The following NEGR1 variants were observed in gnomAD, a reference collection of about 807,000 sequenced individuals.
NEGR1 encodes IgLON family member 4.
Under a neutral mutation model 40.9 loss-of-function variants are expected in NEGR1, and 10 were observed. The observed-to-expected ratio is 0.24, with a 90% CI of 0.15 to 0.42. NEGR1 has a LOEUF of 0.42. Among genes scored for constraint, NEGR1 ranks in the 10% least tolerant of loss-of-function variants. The probability of loss-of-function intolerance (pLI) is 1.00; values close to 1 mark genes in which losing one functional copy is unlikely to be tolerated. For synonymous variants in NEGR1, 185 were observed against 166.8 expected, an observed-to-expected ratio of 1.11 and a Z score of -0.84; for missense variants, 352 against 438.9, an observed-to-expected ratio of 0.80 and a Z score of 1.77.
chr1:72,238,176 T>TA (rs1654621252), intron 1 of NEGR1, among the ~76,000 whole-genome samples: 1 of 151,848 alleles, frequency 6.6e-6, no homozygotes, highest in Admixed American at 6.6e-5. Flanking sequence ...GGGATTTTCT[T>TA]GTATCTTCCT....
chr1:71,776,648 C>T (rs1656522324), intron 2 of NEGR1, among the ~76,000 whole-genome samples: 2 of 151,818 alleles, frequency 1.3e-5, no homozygotes, highest in Non-Finnish European at 2.9e-5. Context: ...TGATGTTTTC[C>T]TTGTTGAAAT....
chr1:71,884,767 T>C (rs1300894821), intron 2 of NEGR1, among the ~76,000 whole-genome samples: 5 of 152,200 alleles, frequency 3.3e-5, no homozygotes, highest in African/African-American at 1.2e-4. Flanking sequence ...AAAAAACCTA[T>C]CAACAGGCAA....
chr1:72,019,158 G>A (rs147304207), intron 1 of NEGR1, among the ~76,000 whole-genome samples: 19 of 152,186 alleles, frequency 1.2e-4, no homozygotes, highest in Admixed American at 4.6e-4. Context: ...AGTGAATGGC[G>A]GCCCTGTGCT....
Position 71,584,860 on chromosome 1 carries a change from A to T in NEGR1, c.940+7957T>A, listed in dbSNP as rs79998153. 5.6e-4 allele frequency among the ~76,000 whole-genome samples: 85 copies of T among 152,280 alleles called. 2 individuals carry two copies. The East Asian group carries it at 0.016, about 28-fold the overall frequency. ...TTTTTACAAAGTCCTAATAGTCACAACGCCATATACTCAAGTCACATTTTG... is the reference window on the plus strand; with the variant it reads ...TTTTTACAAAGTCCTAATAGTCACATCGCCATATACTCAAGTCACATTTTG... On this transcript the variant is annotated intron_variant, in intron 6 of 6. Coordinates refer to ENST00000357731, the MANE Select transcript of NEGR1 (RefSeq NM_173808.3).
chr1:72,106,400 C>G (rs1649135214), intron 1 of NEGR1, among the ~76,000 whole-genome samples: 1 of 151,950 alleles, frequency 6.6e-6, no homozygotes, highest in African/African-American at 2.4e-5. Context: ...TCCACTTCCC[C>G]AAAGTTCTTT....
At chr1:72,190,150 T>G (rs1387290120) in intron 1 of NEGR1, among the ~76,000 whole-genome samples, 2 of 151,548 alleles carry the variant, frequency 1.3e-5, no homozygotes, top group African/African-American at 4.8e-5. Flanking sequence ...TATATAGCTA[T>G]ATTAATCACA....
intron 3 of NEGR1, among the ~76,000 whole-genome samples, chr1:71,752,212 C>G (rs1655592836): frequency 6.6e-6 from 1 of 152,074 alleles, no homozygotes; most frequent in Admixed American, 6.6e-5. Flanking sequence ...GGTCACTAAG[C>G]TTTTTTTGTA....
At chr1:72,081,325 T>C (rs537761502) in intron 1 of NEGR1, among the ~76,000 whole-genome samples, 2 of 152,232 alleles carry the variant, frequency 1.3e-5, no homozygotes, top group African/African-American at 4.8e-5. Context: ...AGGAGCTTGA[T>C]AAAGTTTTCC....
intron 1 of NEGR1, among the ~76,000 whole-genome samples, chr1:72,015,151 A>G (rs1447613166): frequency 6.6e-6 from 1 of 152,124 alleles, no homozygotes; most frequent in East Asian, 1.9e-4. Context: ...TTTTAAAAAT[A>G]TGTAATTTAA....
rs1039155503 is a variant in NEGR1 at position 72,200,622 on chromosome 1, C to T, written c.176+81697G>A. ...AATGTACCCGTGTAAAAAACCTGTA[C>T]ATGTACCCCCAAACCTAAAGTAAAA... On this transcript the variant is annotated intron_variant, in intron 1 of 6. Transcript: ENST00000357731. Among the ~76,000 whole-genome samples the T allele has an allele frequency of 3.9e-5, 6 of 152,006 alleles. No homozygotes were observed. The East Asian group carries it at 9.7e-4, about 25-fold the overall frequency.
intron 6 of NEGR1, among the ~76,000 whole-genome samples, chr1:71,464,164 G>T (rs1229613104): frequency 6.6e-6 from 1 of 152,054 alleles, no homozygotes; most frequent in African/African-American, 2.4e-5. Flanking sequence ...TTAAGGAAAG[G>T]GGGAAAAAAG....
intron 6 of NEGR1, among the ~76,000 whole-genome samples, chr1:71,575,346 A>G (rs1648929447): frequency 6.6e-6 from 1 of 152,246 alleles, no homozygotes. Context: ...ATTTGAGGGC[A>G]CAGACAAGAC....
chr1:71,609,378 G>A (rs991446835), intron 5 of NEGR1, among the ~76,000 whole-genome samples: 3 of 150,924 alleles, frequency 2.0e-5, no homozygotes, highest in African/African-American at 4.9e-5. Flanking sequence ...AGCCGGGCGT[G>A]GTGGCGGGCA....
chr1:72,042,028 A>AATAT (rs139538953), intron 1 of NEGR1, among the ~76,000 whole-genome samples: 1 of 147,040 alleles, frequency 6.8e-6, no homozygotes, highest in Non-Finnish European at 1.5e-5. Context: ...TAAATACAGA[A>AATAT]ATATATATAT....
At chr1:71,668,850 G>C (rs1652324083) in intron 4 of NEGR1, among the ~76,000 whole-genome samples, 1 of 152,148 alleles carries the variant, frequency 6.6e-6, no homozygotes, top group Admixed American at 6.5e-5. Flanking sequence ...TGGAGGGAAT[G>C]TTCCCAAGGG....
At chr1:71,657,916 C>G (rs1306550628) in intron 4 of NEGR1, among the ~76,000 whole-genome samples, 3 of 152,166 alleles carry the variant, frequency 2.0e-5, no homozygotes, top group Non-Finnish European at 4.4e-5. Context: ...TATTCTAGTA[C>G]TCTTTCATAG....
intron 6 of NEGR1, among the ~76,000 whole-genome samples, chr1:71,519,527 A>G (rs1475317414): frequency 4.2e-5 from 4 of 95,306 alleles, no homozygotes; most frequent in African/African-American, 1.7e-4. Context: ...GGAATTGAAC[A>G]ATGAGATCAC....
intron 6 of NEGR1, chr1:71,484,928 A>G (rs1646876993): frequency 6.6e-6 from 1 of 151,710 alleles, no homozygotes; most frequent in South Asian, 2.1e-4. Flanking sequence ...TTCCTTATAC[A>G]AAACTCTGTC....
rs139982615 is a variant in NEGR1 at position 71,438,473 on chromosome 1, T to G, written c.941-30903A>C. 2.2e-3 allele frequency among the ~76,000 whole-genome samples: 331 copies of G among 152,314 alleles called. 1 individual carries two copies. The highest frequency in any genetic ancestry group is 7.7e-3 in the African/African-American group (318 of 41,568). On this transcript the variant is annotated intron_variant, in intron 6 of 6. Transcript: ENST00000357731. ...AGCTCTCTAAACAAACATAATTGCC[T>G]TCTCATCCCACTGAAAAGAGGAATG...
Sources: gnomAD v4.1 joint callset for allele counts (sites outside exome capture counted in the v4.1 genomes callset) on GRCh38, gnomAD v4.1.1 for gene constraint, MANE v1.5 for transcripts, NCBI Gene and HGNC (gene_info 2026-07-23, HGNC 2026-07-21) for gene names.